Variants in UBE2W observed in about 807,000 individuals in gnomAD.
UBE2W encodes ubiquitin-conjugating enzyme E2 W.
A neutral mutation model predicts 27.2 loss-of-function variants in UBE2W; 18 were observed. That is an observed-to-expected ratio of 0.66 (90% confidence interval 0.46 to 0.98). UBE2W has a LOEUF of 0.98. UBE2W is among the 50% of genes least tolerant of loss of function. The pLI is 0.00. For synonymous variants in UBE2W, 53 were observed against 57.2 expected (o/e 0.93, Z 0.33); for missense variants, 90 against 180.2 (o/e 0.50, Z 2.87).
rs190211182 is a variant in UBE2W at position 73,867,929 on chromosome 8, A to G, written c.15+10879T>C. The stretch of plus-strand genomic sequence containing the variant: ...AACATAGAAACTGGAGTTCTTGCAC[A>G]GTGCTCACAGGAATGCATAATGCTG... On this transcript the variant is annotated intron_variant, in intron 1 of 5. Transcript: ENST00000602593. Among the ~76,000 whole-genome samples the G allele has an allele frequency of 2.8e-3, 430 of 152,336 alleles. 5 individuals are homozygous for G. Among genetic ancestry groups the G allele is most frequent in the Middle Eastern group, 0.01 (3 of 294 alleles).
At chr8:73,852,628 C>A (rs1198763221) in intron 1 of UBE2W, among the ~76,000 whole-genome samples, 1 of 151,906 alleles carries the variant, frequency 6.6e-6, no homozygotes, top group Non-Finnish European at 1.5e-5. Context: ...AATTTTTTTA[C>A]CTTCCAGGTT....
chr8:73,842,243 G>A (rs541588031), intron 1 of UBE2W, among the ~76,000 whole-genome samples: 113 of 151,916 alleles, frequency 7.4e-4, no homozygotes, highest in Admixed American at 2.4e-3. Context: ...TAAGAATGAC[G>A]TGGGGCCGGG....
At chr8:73,815,711 G>C (rs1314048974) in intron 3 of UBE2W, among the ~76,000 whole-genome samples, 1 of 152,172 alleles carries the variant, frequency 6.6e-6, no homozygotes, top group African/African-American at 2.4e-5. Flanking sequence ...TAGTTAGAAA[G>C]TCTATAACCT....
chr8:73,814,354 T>C (rs1352256643), intron 3 of UBE2W, among the ~76,000 whole-genome samples: 2 of 152,212 alleles, frequency 1.3e-5, no homozygotes, highest in Non-Finnish European at 2.9e-5. Context: ...GTATTCAAAA[T>C]AGTCATATGA....
chr8:73,796,731 G>A (rs186319392), intron 5 of UBE2W: 313 of 862,768 alleles, frequency 3.6e-4, no homozygotes, highest in Non-Finnish European at 4.1e-4. Flanking sequence ...TTTAAGTATA[G>A]ATACAACTAT....
chr8:73,849,249 C>G lies in UBE2W; in HGVS notation c.16-18777G>C, dbSNP rs549204469. Among the ~76,000 whole-genome samples the G allele has an allele frequency of 3.9e-5, 6 of 152,164 alleles. No homozygotes were observed. The East Asian group carries it at 1.2e-3, about 29-fold the overall frequency. On this transcript the variant is annotated intron_variant, in intron 1 of 5. Transcript: ENST00000602593. ...ATTGTAGGCCAGGAGCGGTGGCTCA[C>G]TCATGTAATCCCAGCACTGTGGGAG...
intron 1 of UBE2W, among the ~76,000 whole-genome samples, chr8:73,857,982 T>C (rs1811375163): frequency 1.3e-5 from 2 of 152,124 alleles, no homozygotes; most frequent in African/African-American, 4.8e-5. Context: ...CTCACCACTT[T>C]GGAAGGCTAA....
chr8:73,827,580 A>T (rs954189571), intron 2 of UBE2W, among the ~76,000 whole-genome samples: 1 of 152,088 alleles, frequency 6.6e-6, no homozygotes, highest in African/African-American at 2.4e-5. Context: ...CCCAGGCTGG[A>T]GTACCGTGGT....
intron 5 of UBE2W, among the ~76,000 whole-genome samples, chr8:73,801,126 T>C (rs1469829420): frequency 6.6e-6 from 1 of 152,134 alleles, no homozygotes; most frequent in Non-Finnish European, 1.5e-5. Context: ...AACTTATATT[T>C]CTATTATAAA....
chr8:73,809,781 T>C (rs1401768496), intron 4 of UBE2W, among the ~76,000 whole-genome samples: 1 of 152,148 alleles, frequency 6.6e-6, no homozygotes, highest in African/African-American at 2.4e-5. Context: ...GGTTTCACCA[T>C]GTTGGCCAGC....
intron 5 of UBE2W, among the ~76,000 whole-genome samples, chr8:73,802,572 GA>G (rs536757859): frequency 1.3e-5 from 2 of 151,694 alleles, no homozygotes; most frequent in East Asian, 1.9e-4. Context: ...ACCCAACATT[GA>G]AAAAAAACAT....
intron 5 of UBE2W, among the ~76,000 whole-genome samples, chr8:73,801,886 A>G (rs1478534828): frequency 6.6e-6 from 1 of 152,234 alleles, no homozygotes; most frequent in African/African-American, 2.4e-5. Context: ...AAACAAAACC[A>G]GCATTCAAGT....
At chr8:73,854,968 T>C (rs79778747) in intron 1 of UBE2W, among the ~76,000 whole-genome samples, 2,918 of 152,360 alleles carry the variant, frequency 0.019, 43 homozygotes, top group Middle Eastern at 0.071. Context: ...GCTGTATTTA[T>C]CAATACGGTA....
chr8:73,783,404 T>G (rs573324342), downstream of UBE2W, among the ~76,000 whole-genome samples: 2 of 152,334 alleles, frequency 1.3e-5, no homozygotes, highest in South Asian at 2.1e-4. Context: ...AGATTTTTGT[T>G]TTTTGCATAC....
rs2130883054 is a variant in UBE2W, at chr8:73,815,943, ATTG to A, written c.211-5317_211-5315del. 1.3e-5 allele frequency among the ~76,000 whole-genome samples: 2 copies of A among 152,374 alleles called. 1 individual carries two copies. Among genetic ancestry groups the A allele is most frequent in the East Asian group, 3.9e-4 (2 of 5,192 alleles). ...AACTGAACATACAAGCAATCAGTTT[ATTG>A]TTGTAATGGAAACTAAATCAGATAT... On this transcript the variant is annotated intron_variant, in intron 3 of 5. Coordinates refer to ENST00000602593, the MANE Select transcript of UBE2W (RefSeq NM_018299.6).
At chr8:73,813,751 T>G (rs1586467448) in intron 3 of UBE2W, among the ~76,000 whole-genome samples, 1 of 88,736 alleles carries the variant, frequency 1.1e-5, no homozygotes. Flanking sequence ...CCACAGATGG[T>G]TTTTTTTTTT....
In UBE2W at chr8:73,790,650, A is replaced by T; in HGVS notation, c.*3452T>A. On this transcript the variant is annotated 3_prime_UTR_variant, in exon 6 of 6. Transcript: ENST00000602593. ...TTCTTTATTTAAAAAAATTTTTGTAACACACAGTACCTCCTCTTCTCTTCT... is the reference window on the plus strand; with the variant it reads ...TTCTTTATTTAAAAAAATTTTTGTATCACACAGTACCTCCTCTTCTCTTCT... The T allele has an allele frequency of 1.0e-6, 1 of 984,220 alleles. No homozygotes were observed. The highest frequency in any genetic ancestry group is 1.7e-5 in the African/African-American group (1 of 57,344). The allele number at this position is 984,220 out of a possible 1,614,324, so 61.0% of individuals were successfully genotyped here.
At chr8:73,815,925 C>A (rs1313170381) in intron 3 of UBE2W, among the ~76,000 whole-genome samples, 1 of 152,102 alleles carries the variant, frequency 6.6e-6, no homozygotes, top group Non-Finnish European at 1.5e-5. Context: ...ATAAACTGAA[C>A]ATACAAGCAA....
chr8:73,794,251 C>T (rs1808321746), intron 5 of UBE2W, 136 bp from the exon 6 acceptor site: 3 of 1,052,404 alleles, frequency 2.9e-6, no homozygotes, highest in Middle Eastern at 4.2e-4. Flanking sequence ...TCCCCCAAAC[C>T]TGTGAATACA....
Sources: allele counts gnomAD v4.1 joint callset (sites outside exome capture counted in the v4.1 genomes callset), GRCh38; gene constraint gnomAD v4.1.1; transcripts MANE v1.5; gene names NCBI Gene and HGNC (gene_info 2026-07-23, HGNC 2026-07-21).